Variants in MAPK8IP1 observed in about 807,000 individuals in gnomAD.
MAPK8IP1 encodes the protein mitogen-activated protein kinase 8 interacting protein 1, also known as C-Jun-amino-terminal kinase-interacting protein 1.
In MAPK8IP1, 17 loss-of-function variants were observed where a neutral mutation model predicts 72.6. The observed-to-expected ratio is 0.23, with a 90% CI of 0.16 to 0.35. The LOEUF (loss-of-function observed/expected upper bound fraction) is 0.35. Ranked by LOEUF, MAPK8IP1 falls within the 10% of genes least tolerant of loss-of-function variation. The pLI is 1.00. For synonymous variants in MAPK8IP1, 401 were observed against 443.4 expected, an observed-to-expected ratio of 0.90 and a Z score of 1.20; for missense variants, 789 against 1,009.7, an observed-to-expected ratio of 0.78 and a Z score of 2.96.
Position 45,904,543 on chromosome 11 carries a change from C to T in MAPK8IP1, c.1755C>T (p.Val585=), listed in dbSNP as rs41275172. Residue 585 remains valine (V), a synonymous_variant, in exon 8 of 12, where the codon GTC becomes GTT. Coordinates refer to ENST00000241014, the MANE Select transcript of MAPK8IP1 (RefSeq NM_005456.4). This position sits in a 1 kb window ranked among gnomAD's most constrained non-coding sequence, Gnocchi z 6.4. ...VQVPYHKGND[V]LCAAMQKIAT... ...TTCCCTATCACAAGGGCAATGACGT[C>T]CTCTGTGCTGCTATGCAAAAGGTAC... 21 of 1,614,186 alleles carry T rather than the reference C, an allele frequency of 1.3e-5. No individual in the cohort carries two copies. The highest frequency in any genetic ancestry group is 8.0e-5 in the African/African-American group (6 of 75,042).
At chr11:45,895,633 AATAT>A (rs71038870) in intron 1 of MAPK8IP1, among the ~76,000 whole-genome samples, 4,825 of 42,146 alleles carry the variant, frequency 0.11, 313 homozygotes, top group Admixed American at 0.19. Context: ...AAAAAAAAAA[AATAT>A]ATATATATAT....
Position 45,904,099 on chromosome 11 carries a change from C to T in MAPK8IP1, c.1604C>T (p.Ala535Val), listed in dbSNP as rs900906844. 6.2e-7 allele frequency: 1 copy of T among 1,614,064 alleles called. No homozygotes were observed. The highest frequency in any genetic ancestry group is 2.2e-5 in the East Asian group (1 of 44,870). ...GAGGCCTACAACATGCGCACTGGTG[C>T]CCGGGGTGTCTTTCCTGCCTATTAC... Reference protein sequence around the residue: ...WYEAYNMRTGARGVFPAYYAI... With the variant: ...WYEAYNMRTGVRGVFPAYYAI... Residue 535 changes from alanine (A) to valine (V), a missense_variant, in exon 7 of 12, where the codon GCC becomes GTC. Around this residue, in one of 4 missense-constraint regions of MAPK8IP1, gnomAD observed 188 missense variants for 293.3 expected, o/e 0.64. Coordinates refer to ENST00000241014, the MANE Select transcript of MAPK8IP1 (RefSeq NM_005456.4). The surrounding 1 kb of genome is among the most constrained non-coding windows in gnomAD (Gnocchi z 6.4).
At position 45,902,078 on chromosome 11, in the gene MAPK8IP1, T is replaced by G; in HGVS notation, c.604+17T>G. 3.1e-6 allele frequency: 5 copies of G among 1,604,398 alleles called. No homozygotes were observed. Among genetic ancestry groups the G allele is most frequent in the Non-Finnish European group, 4.3e-6 (5 of 1,171,210 alleles). On this transcript the variant is annotated intron_variant, in intron 4 of 11. Transcript: ENST00000241014. The surrounding 1 kb of genome is among the most constrained non-coding windows in gnomAD (Gnocchi z 9.3). ...TGAAGACAGGTAAGTCAGGGCCCTCTTCCTTACCTGGACCTCCGCCTGCCC... is the reference window on the plus strand; with the variant it reads ...TGAAGACAGGTAAGTCAGGGCCCTCGTCCTTACCTGGACCTCCGCCTGCCC...
chr11:45,900,083 C>A lies in MAPK8IP1; in HGVS notation c.208-55C>A, dbSNP rs1218245134. On this transcript the variant is annotated intron_variant, in intron 2 of 11. Transcript: ENST00000241014. This position sits in a 1 kb window ranked among gnomAD's most constrained non-coding sequence, Gnocchi z 6.5. ...TCGCCCGGGCGGGGGGCGGTGCAAG[C>A]GGCCTCGGCCCCGCCCCGGCCCCGC... 1.8e-6 allele frequency: 2 copies of A among 1,084,686 alleles called. No individual in the cohort carries two copies. Among genetic ancestry groups the A allele is most frequent in the African/African-American group, 1.7e-5 (1 of 60,322 alleles). The allele number at this position is 1,084,686 out of a possible 1,614,324, so 67.2% of individuals were successfully genotyped here.
chr11:45,902,864 C>T lies in MAPK8IP1; in HGVS notation c.1097C>T (p.Ser366Phe), dbSNP rs1467338027. The change falls in exon 5 of 12, where the codon TCT becomes TTT. Residue 366 changes from serine to phenylalanine, a missense_variant. This residue lies in a region of MAPK8IP1 where 377 missense variants were observed against 411.7 expected (regional missense o/e 0.92). Coordinates refer to ENST00000241014, the MANE Select transcript of MAPK8IP1 (RefSeq NM_005456.4). The surrounding 1 kb of genome is among the most constrained non-coding windows in gnomAD (Gnocchi z 9.3). The stretch of plus-strand genomic sequence containing the variant: ...GAGCCGCCGCCACCTCCACGGGCCT[C>T]TCTGAGCTCGGACACCAGCGCCCTG... Reference protein sequence around the residue: ...LGEPPPPPRASLSSDTSALSY... With the variant: ...LGEPPPPPRAFLSSDTSALSY... 6.3e-7 allele frequency: 1 copy of T among 1,593,796 alleles called. No homozygotes were observed. Among genetic ancestry groups the T allele is most frequent in the African/African-American group, 1.3e-5 (1 of 74,550 alleles).
chr11:45,892,046 G>A (rs1041549635), intron 1 of MAPK8IP1, among the ~76,000 whole-genome samples: 2 of 152,236 alleles, frequency 1.3e-5, no homozygotes, highest in African/African-American at 4.8e-5. Context: ...CGCAAGTGGG[G>A]TTGTCCCTCG....
intron 1 of MAPK8IP1, chr11:45,896,964 G>A: frequency 1.9e-6 from 3 of 1,561,714 alleles, no homozygotes; most frequent in Non-Finnish European, 1.7e-6. Flanking sequence ...GGGGCTACCG[G>A]GGCTGGCGGG....
intron 2 of MAPK8IP1, 58 bp downstream of exon 2, chr11:45,898,248 G>A: frequency 8.5e-7 from 1 of 1,171,234 alleles, no homozygotes; most frequent in Non-Finnish European, 1.3e-6. Flanking sequence ...AGGGACAGGG[G>A]TAAGGGTATC....
chr11:45,887,118 G>A (rs2086533092), intron 1 of MAPK8IP1, among the ~76,000 whole-genome samples: 1 of 152,160 alleles, frequency 6.6e-6, no homozygotes, highest in Admixed American at 6.5e-5. Context: ...ACCTGGCATG[G>A]TGCATGAGGC....
intron 1 of MAPK8IP1, among the ~76,000 whole-genome samples, chr11:45,895,899 C>T (rs1014973653): frequency 1.3e-5 from 2 of 152,094 alleles, no homozygotes; most frequent in Admixed American, 6.5e-5. Context: ...GCTCTGGCTT[C>T]TGGGCCAGGC....
chr11:45,890,462 A>G (rs7115753), intron 1 of MAPK8IP1, among the ~76,000 whole-genome samples: 72,188 of 152,164 alleles, frequency 0.47, 18,399 homozygotes, highest in South Asian at 0.6. Context: ...ATTCAGAGCC[A>G]TCCTGGGGCT....
In MAPK8IP1 at chr11:45,905,732, C is replaced by G. The variant is rs778823047; in HGVS notation, c.*11C>G. On this transcript the variant is annotated 3_prime_UTR_variant, in exon 12 of 12. Coordinates refer to ENST00000241014, the MANE Select transcript of MAPK8IP1 (RefSeq NM_005456.4). ...ATCTACCTGGAGTAGCTGTGCAGCC[C>G]CGCCCTCTGCGTCCCCCAGCCCTCA... The G allele has an allele frequency of 6.2e-7, 1 of 1,612,240 alleles. No homozygotes were observed. The highest frequency in any genetic ancestry group is 2.2e-5 in the East Asian group (1 of 44,876).
chr11:45,901,756 C>T (rs2086654308), intron 3 of MAPK8IP1, among the ~76,000 whole-genome samples: 2 of 152,206 alleles, frequency 1.3e-5, no homozygotes. Flanking sequence ...TGGCCAGCTT[C>T]CCTGAGCAAG....
chr11:45,896,495 G>GA, intron 1 of MAPK8IP1: 1 of 1,035,586 alleles, frequency 9.7e-7, no homozygotes, highest in Non-Finnish European at 1.2e-6. Flanking sequence ...CAGGGAGGGG[G>GA]GGCCACTCAG....
chr11:45,904,424 T>C lies in MAPK8IP1; in HGVS notation c.1667-31T>C, dbSNP rs1221966011. ...CTGCTCAGCTCCCTCCTGCTCTTTCTGCCCCTCCTCAATTCACGCTTGCTT... is the reference window on the plus strand; with the variant it reads ...CTGCTCAGCTCCCTCCTGCTCTTTCCGCCCCTCCTCAATTCACGCTTGCTT... On this transcript the variant is annotated intron_variant, in intron 7 of 11. Transcript: ENST00000241014. The surrounding 1 kb of genome is among the most constrained non-coding windows in gnomAD (Gnocchi z 6.4). The C allele has an allele frequency of 6.4e-7, 1 of 1,571,858 alleles. No homozygotes were observed. Among genetic ancestry groups the C allele is most frequent in the Admixed American group, 1.7e-5 (1 of 59,870 alleles).
intron 1 of MAPK8IP1, 85 bp downstream of exon 1, chr11:45,886,006 C>T (rs1298449080): frequency 3.1e-5 from 25 of 800,682 alleles, no homozygotes; most frequent in African/African-American, 5.5e-5. Flanking sequence ...CACCCCAGAA[C>T]CTCGGGAACC....
chr11:45,898,763 C>T (rs2086627245), intron 2 of MAPK8IP1, among the ~76,000 whole-genome samples: 2 of 152,216 alleles, frequency 1.3e-5, no homozygotes, highest in East Asian at 1.9e-4. Flanking sequence ...GGTTTGGGCC[C>T]CTTGGCTTTG....
intron 1 of MAPK8IP1, chr11:45,896,946 C>A: frequency 6.4e-7 from 1 of 1,572,650 alleles, no homozygotes; most frequent in Admixed American, 1.9e-5. Context: ...TCAATGGGAG[C>A]GCTGGTAGGG....
chr11:45,886,499 C>T (rs2086528599), intron 1 of MAPK8IP1, among the ~76,000 whole-genome samples: 1 of 152,192 alleles, frequency 6.6e-6, no homozygotes, highest in Non-Finnish European at 1.5e-5. Context: ...GAAGGCTCAG[C>T]CTCAACCAGG....
Sources: gnomAD v4.1 joint callset for allele counts (sites outside exome capture counted in the v4.1 genomes callset) on GRCh38, gnomAD v4.1.1 for gene constraint, gnomAD v4.1.1 regional missense constraint, Gnocchi (gnomAD v3.1) non-coding constraint, MANE v1.5 for transcripts, NCBI Gene and HGNC (gene_info 2026-07-23, HGNC 2026-07-21) for gene names.